The following SHANK2 variants were observed in gnomAD, a reference collection of about 807,000 sequenced individuals.
The protein encoded by SHANK2 is SH3 and multiple ankyrin repeat domains 2.
In SHANK2, 43 loss-of-function variants were observed where a neutral mutation model predicts 133.7. The ratio of observed to expected loss-of-function variants is 0.32; its 90% confidence interval spans 0.25 to 0.41. The LOEUF (loss-of-function observed/expected upper bound fraction) is 0.41, where lower values mean the gene tolerates loss of function less well. Among genes scored for constraint, SHANK2 ranks in the 10% least tolerant of loss-of-function variants. The probability of loss-of-function intolerance (pLI) is 1.00; values close to 1 mark genes in which losing one functional copy is unlikely to be tolerated. For synonymous variants in SHANK2, 1,017 were observed against 952.8 expected (o/e 1.07, Z -1.24); for missense variants, 1,994 against 2,235.8 (o/e 0.89, Z 2.18).
Position 71,196,536 on chromosome 11 carries a change from G to A in SHANK2, c.-13+28161C>T, listed in dbSNP as rs1035759706. On this transcript the variant is annotated intron_variant, in intron 2 of 25. Coordinates refer to ENST00000601538, the MANE Select transcript of SHANK2 (RefSeq NM_012309.5). Reference sequence around the variant, plus strand: ...CTGGGCCTCATGATCCACCCATCTCGGCCTCCCAAAGTGCTGGAATTGTAG... The same window carrying A: ...CTGGGCCTCATGATCCACCCATCTCAGCCTCCCAAAGTGCTGGAATTGTAG... Among the ~76,000 whole-genome samples the A allele has an allele frequency of 2.4e-3, 358 of 151,780 alleles. 2 individuals carry two copies. Among genetic ancestry groups the A allele is most frequent in the African/African-American group, 8.3e-3 (344 of 41,438 alleles).
At chr11:71,163,093 AAT>A (rs1555110179) in intron 2 of SHANK2, among the ~76,000 whole-genome samples, 1 of 84,676 alleles carries the variant, frequency 1.2e-5, no homozygotes, top group African/African-American at 4.6e-5. Context: ...AAAAAAAAAA[AAT>A]ACATATATAT....
Position 70,837,943 on chromosome 11 carries a change from C to T in SHANK2, c.1175-17261G>A, listed in dbSNP as rs574723910. 3.1e-5 allele frequency among the ~76,000 whole-genome samples: 4 copies of T among 130,556 alleles called. No homozygotes were observed. The South Asian group carries it at 9.5e-4, about 31-fold the overall frequency. The allele number at this position is 130,556 out of a possible 152,430, so 85.6% of individuals were successfully genotyped here. A position where few individuals can be genotyped will look rare whatever the true frequency, so the allele number is the denominator to read the frequency against. On this transcript the variant is annotated intron_variant, in intron 11 of 25. Transcript: ENST00000601538. ...GAGCCAAGATGGTGCCATTGCACTC[C>T]AGCCTGGGCAACAGAGCAAAACATT...
chr11:70,590,774 A>C (rs530458967), intron 17 of SHANK2, among the ~76,000 whole-genome samples: 11 of 152,310 alleles, frequency 7.2e-5, no homozygotes, highest in African/African-American at 2.4e-4. Flanking sequence ...GAAACCAAAA[A>C]AAAAAAAAAG....
chr11:70,654,415 C>A (rs2061378457), intron 17 of SHANK2: 1 of 152,182 alleles, frequency 6.6e-6, no homozygotes, highest in African/African-American at 2.4e-5. Flanking sequence ...TACTTCGATT[C>A]TAGGAAATCT....
At chr11:70,560,876 C>G (rs1554980717) in intron 17 of SHANK2, among the ~76,000 whole-genome samples, 1 of 152,156 alleles carries the variant, frequency 6.6e-6, no homozygotes, top group East Asian at 1.9e-4. Flanking sequence ...ATTCGCCTGC[C>G]TCGGCCTCCC....
At chr11:70,626,862 A>C (rs2060912146) in intron 17 of SHANK2, among the ~76,000 whole-genome samples, 1 of 151,886 alleles carries the variant, frequency 6.6e-6, no homozygotes. Context: ...ACATCATGAC[A>C]CTCTTCAGCC....
intron 17 of SHANK2, among the ~76,000 whole-genome samples, chr11:70,565,571 TC>T (rs2059958376): frequency 6.6e-6 from 1 of 152,166 alleles, no homozygotes; most frequent in Admixed American, 6.6e-5. Context: ...TGGATGTTCT[TC>T]CAGTCTCTGC....
intron 2 of SHANK2, among the ~76,000 whole-genome samples, chr11:71,194,269 G>T (rs1234372888): frequency 6.6e-6 from 1 of 152,172 alleles, no homozygotes; most frequent in East Asian, 1.9e-4. Flanking sequence ...TACTCACGGG[G>T]ACAACTAAGC....
chr11:71,120,662 G>A (rs1555101314), intron 3 of SHANK2, among the ~76,000 whole-genome samples: 1 of 152,198 alleles, frequency 6.6e-6, no homozygotes, highest in Non-Finnish European at 1.5e-5. Context: ...GGTGGGGGCA[G>A]TTGTTTATTC....
At chr11:70,664,035 T>A (rs902470150) in intron 15 of SHANK2, among the ~76,000 whole-genome samples, 1 of 152,166 alleles carries the variant, frequency 6.6e-6, no homozygotes, top group African/African-American at 2.4e-5. Context: ...CTGTGACGGC[T>A]GCCATTAACC....
chr11:70,566,918 A>G (rs2059975483), intron 17 of SHANK2, among the ~76,000 whole-genome samples: 1 of 152,198 alleles, frequency 6.6e-6, no homozygotes, highest in African/African-American at 2.4e-5. Context: ...CCTGGACAGG[A>G]AGAAGGAAGA....
chr11:70,806,888 G>T, intron 13 of SHANK2, 114 bp downstream of exon 13: 1 of 610,916 alleles, frequency 1.6e-6, no homozygotes, highest in Non-Finnish European at 3.0e-6. Flanking sequence ...CCTTCCAGGG[G>T]CCCGTGTTTT....
At chr11:70,689,664 T>A (rs1945233877) in intron 15 of SHANK2, among the ~76,000 whole-genome samples, 1 of 152,082 alleles carries the variant, frequency 6.6e-6, no homozygotes, top group African/African-American at 2.4e-5. Context: ...GAGAAAAAGA[T>A]CAATTCAGAA....
Position 70,795,809 on chromosome 11 carries a change from C to T in SHANK2, c.1777+2634G>A, listed in dbSNP as rs113648781. On this transcript the variant is annotated intron_variant, in intron 14 of 25. Transcript: ENST00000601538. ...TACCAACAGGTGCTGGCTTTGGAGA[C>T]GGAGGAAGGGGCCATGAGCCAAGGA... is the stretch of plus-strand genomic sequence containing the variant. Among the ~76,000 whole-genome samples, 432 of 152,156 alleles carry T rather than the reference C, an allele frequency of 2.8e-3. 4 individuals are homozygous for T. Among genetic ancestry groups the T allele is most frequent in the African/African-American group, 1.0e-2 (414 of 41,506 alleles).
intron 14 of SHANK2, among the ~76,000 whole-genome samples, chr11:70,701,915 C>T (rs1233588463): frequency 6.6e-6 from 1 of 151,676 alleles, no homozygotes; most frequent in Non-Finnish European, 1.5e-5. Flanking sequence ...ATCATCACCA[C>T]CATCATCACC....
intron 17 of SHANK2, among the ~76,000 whole-genome samples, chr11:70,531,528 G>T (rs2135977655): frequency 6.6e-6 from 1 of 152,356 alleles, no homozygotes; most frequent in East Asian, 1.9e-4. Flanking sequence ...GGGAGGCCTG[G>T]GATCATGCCA....
chr11:70,945,633 C>A lies in SHANK2; in HGVS notation c.1108-49066G>T, dbSNP rs184955346. Among the ~76,000 whole-genome samples, 64 of 152,306 alleles carry A rather than the reference C, an allele frequency of 4.2e-4. 1 individual carries two copies. The highest frequency in any genetic ancestry group is 1.4e-3 in the African/African-American group (59 of 41,564). The stretch of plus-strand genomic sequence containing the variant: ...CATGGAGAGCCTTGACCCGCAGGTA[C>A]CTTGCAGGCCCCAGCCTGAGTGCAT... On this transcript the variant is annotated intron_variant, in intron 10 of 25. Transcript: ENST00000601538.
At chr11:71,229,587 G>A (rs1954702557) in intron 1 of SHANK2, among the ~76,000 whole-genome samples, 1 of 151,802 alleles carries the variant, frequency 6.6e-6, no homozygotes, top group Non-Finnish European at 1.5e-5. Context: ...TGGCCAACAT[G>A]GTGAAACCCC....
intron 11 of SHANK2, among the ~76,000 whole-genome samples, chr11:70,837,907 G>A (rs1948844215): frequency 7.1e-6 from 1 of 140,028 alleles, no homozygotes; most frequent in Admixed American, 7.8e-5. Flanking sequence ...CCAGGAGGCG[G>A]AAGTTCCAGT....
Sources: gnomAD v4.1 joint callset for allele counts (sites outside exome capture counted in the v4.1 genomes callset) on GRCh38, gnomAD v4.1.1 for gene constraint, MANE v1.5 for transcripts, NCBI Gene and HGNC (gene_info 2026-07-23, HGNC 2026-07-21) for gene names.